The following HYDIN variants were observed in gnomAD, a reference collection of about 807,000 sequenced individuals.
The protein encoded by HYDIN is axonemal central pair apparatus protein HYDIN.
In HYDIN, 132 loss-of-function variants were observed where a neutral mutation model predicts 403.9. The observed-to-expected ratio is 0.33, with a 90% CI of 0.28 to 0.38. The LOEUF is 0.38. HYDIN is among the 10% of genes least tolerant of loss of function. The pLI, the probability that HYDIN is intolerant of heterozygous loss-of-function variation, is 1.00. For missense variants in HYDIN, 2,827 were observed against 5,009.5 expected (o/e 0.56, Z 13.15); for synonymous variants, 1,202 against 1,891.7 (o/e 0.64, Z 9.46).
rs1370953432 is a variant in HYDIN, at chr16:71,027,362, C to T, written c.3042+240G>A. The T allele has an allele frequency of 5.7e-6, 8 of 1,406,022 alleles. No homozygotes were observed. In the African/African-American group the frequency reaches 1.0e-4, roughly 18 times the overall value. The allele number at this position is 1,406,022 out of a possible 1,614,324, so 87.1% of individuals were successfully genotyped here. A position where few individuals can be genotyped will look rare whatever the true frequency, so the allele number is the denominator to read the frequency against. On this transcript the variant is annotated intron_variant, in intron 20 of 85. Coordinates refer to ENST00000393567, the MANE Select transcript of HYDIN (RefSeq NM_001270974.2). ...AGACTTGCTGGCTGGTCACTGTGGA[C>T]CCTGGGCATGAGAACCTCCTTTAAG...
chr16:71,184,197 A>G (rs1216893108), intron 3 of HYDIN, among the ~76,000 whole-genome samples: 2 of 152,152 alleles, frequency 1.3e-5, no homozygotes, highest in Non-Finnish European at 2.9e-5. Flanking sequence ...AGGAATTTTC[A>G]GAGGAAAATT....
At chr16:71,154,385 T>A (rs2085670817) in intron 6 of HYDIN, among the ~76,000 whole-genome samples, 1 of 129,890 alleles carries the variant, frequency 7.7e-6, no homozygotes, top group Non-Finnish European at 1.6e-5. Context: ...ATCCATCCCC[T>A]CAAGCATTTG....
intron 83 of HYDIN, among the ~76,000 whole-genome samples, chr16:70,825,281 C>A (rs1597051407): frequency 6.6e-6 from 1 of 151,938 alleles, no homozygotes; most frequent in South Asian, 2.1e-4. Flanking sequence ...TCTTTCATCC[C>A]GGTTTTCTGA....
In HYDIN at chr16:71,036,778, C is replaced by G. The variant is rs574747549; in HGVS notation, c.2530-4861G>C. On this transcript the variant is annotated intron_variant, in intron 18 of 85. Transcript: ENST00000393567. ...AAATGCCAGATGTTAAGGCACTGGA[C>G]TGCTCTTACCTTACACGAGTCAGCC... 5.8e-4 allele frequency among the ~76,000 whole-genome samples: 88 copies of G among 152,158 alleles called. No homozygotes were observed. In the Middle Eastern group the frequency reaches 0.034, roughly 59 times the overall value.
chr16:71,131,989 A>C (rs1032147486), intron 8 of HYDIN: 236 of 151,828 alleles, frequency 1.6e-3, no homozygotes, highest in African/African-American at 5.6e-3. Context: ...TAACATATAC[A>C]ATAATCCCAC....
chr16:70,921,339 C>G, intron 45 of HYDIN, 122 bp from the exon 46 acceptor site: 1 of 882,592 alleles, frequency 1.1e-6, no homozygotes, highest in Non-Finnish European at 1.7e-6. Flanking sequence ...GGGCACCTCC[C>G]CTGCACGCTA....
chr16:70,818,791 C>T (rs1194916481), intron 83 of HYDIN, among the ~76,000 whole-genome samples: 1 of 150,578 alleles, frequency 6.6e-6, no homozygotes. Flanking sequence ...TATTAAATAG[C>T]CTGGGCTTGC....
chr16:71,029,783 T>C (rs549722665), intron 19 of HYDIN, among the ~76,000 whole-genome samples: 34 of 152,038 alleles, frequency 2.2e-4, no homozygotes, highest in African/African-American at 8.0e-4. Flanking sequence ...ATTTTGTAGA[T>C]GGAGCAGAGG....
intron 18 of HYDIN, among the ~76,000 whole-genome samples, chr16:71,040,214 G>A (rs1303698805): frequency 6.6e-6 from 1 of 152,036 alleles, no homozygotes; most frequent in Non-Finnish European, 1.5e-5. Context: ...ATGCATTCCA[G>A]TTCCCACCTC....
In HYDIN at chr16:71,069,383, C is replaced by T. The variant is rs751788457; in HGVS notation, c.1858G>A (p.Val620Met). ...GTCCAAGATGGTCTTTTGTAGTCCA[C>T]ATGCTGCTCACAATATGAAATGCTT... ...HKSISYCEQH[V>M]DYKRPSWTKE... The change falls in exon 14 of 86, where the codon GTG (valine) becomes ATG (methionine). Residue 620 changes from valine (V) to methionine (M), a missense_variant. Transcript: ENST00000393567. 16 of 1,614,086 alleles carry T rather than the reference C, an allele frequency of 9.9e-6. No individual in the cohort carries two copies. The highest frequency in any genetic ancestry group is 1.3e-5 in the African/African-American group (1 of 74,926).
At chr16:70,859,163 T>C (rs1286356371) in intron 71 of HYDIN, among the ~76,000 whole-genome samples, 1 of 151,732 alleles carries the variant, frequency 6.6e-6, no homozygotes, top group Non-Finnish European at 1.5e-5. Flanking sequence ...TAGCTGGGCG[T>C]GGTGGCGGGC....
chr16:71,014,345 G>A (rs1315357243), intron 23 of HYDIN, among the ~76,000 whole-genome samples: 3 of 92,626 alleles, frequency 3.2e-5, no homozygotes, highest in Non-Finnish European at 1.9e-5. Context: ...CACCAGCCAC[G>A]CTGACATACC....
At chr16:71,019,552 C>G (rs1307646025) in intron 22 of HYDIN, among the ~76,000 whole-genome samples, 1 of 152,294 alleles carries the variant, frequency 6.6e-6, no homozygotes, top group Non-Finnish European at 1.5e-5. Flanking sequence ...CCTTGTAGAT[C>G]ATGGCATCTG....
intron 45 of HYDIN, among the ~76,000 whole-genome samples, chr16:70,926,179 C>T (rs890684562): frequency 4.1e-5 from 6 of 147,214 alleles, no homozygotes; most frequent in Admixed American, 3.4e-4. Flanking sequence ...TATTGCGGCA[C>T]TATTCACAAT....
At position 71,223,689 on chromosome 16, in the gene HYDIN, T is replaced by C. The variant is rs1176380319; in HGVS notation, c.-24+6873A>G. Among the ~76,000 whole-genome samples, 6 of 151,176 alleles carry C rather than the reference T, an allele frequency of 4.0e-5. No homozygotes were observed. In the South Asian group the frequency reaches 1.0e-3, roughly 26 times the overall value. ...GAGCTAAAACATGAAGAGACATTTC[T>C]CAAAAGAAAATATACAAACAGCCAA... is the stretch of plus-strand genomic sequence containing the variant. On this transcript the variant is annotated intron_variant, in intron 1 of 85. Transcript: ENST00000393567.
chr16:70,846,292 G>T (rs10468262), intron 75 of HYDIN, among the ~76,000 whole-genome samples: 1 of 149,134 alleles, frequency 6.7e-6, no homozygotes, highest in Non-Finnish European at 1.5e-5. Context: ...CCTTCATTTC[G>T]TTATGTATCC....
intron 21 of HYDIN, among the ~76,000 whole-genome samples, chr16:71,020,954 CTAT>C (rs1421289574): frequency 1.3e-5 from 2 of 151,588 alleles, no homozygotes; most frequent in Non-Finnish European, 2.9e-5. Flanking sequence ...CTGGATAGAA[CTAT>C]TATTATAGGG....
At chr16:71,227,122 T>C (rs1306531279) in intron 1 of HYDIN, among the ~76,000 whole-genome samples, 2 of 151,214 alleles carry the variant, frequency 1.3e-5, no homozygotes, top group Non-Finnish European at 2.9e-5. Flanking sequence ...ACTTTTGTCA[T>C]ATATATATGT....
intron 58 of HYDIN, among the ~76,000 whole-genome samples, chr16:70,885,865 G>A (rs113768501): frequency 0.018 from 2,745 of 151,990 alleles, 85 homozygotes; most frequent in African/African-American, 0.062. Flanking sequence ...AAACCAACAT[G>A]TAGAAAACCC....
Sources: gnomAD v4.1 joint callset for allele counts (sites outside exome capture counted in the v4.1 genomes callset) on GRCh38, gnomAD v4.1.1 for gene constraint, MANE v1.5 for transcripts, NCBI Gene and HGNC (gene_info 2026-07-23, HGNC 2026-07-21) for gene names.